The following CCBE1 variants were observed in gnomAD, a reference collection of about 807,000 sequenced individuals.
CCBE1 encodes collagen and calcium binding EGF domains 1, also known as collagen and calcium-binding EGF domain-containing protein 1.
CCBE1 carries 37 observed loss-of-function variants against 50.0 expected under a neutral mutation model. That is an observed-to-expected ratio of 0.74 (90% CI 0.57 to 0.97). The LOEUF is 0.97. CCBE1 is among the 50% of genes least tolerant of loss of function. The pLI is 0.00. For missense variants in CCBE1, 538 were observed against 523.8 expected (o/e 1.03, Z -0.26); for synonymous variants, 234 against 203.7 (o/e 1.15, Z -1.27).
At chr18:59,621,701 G>A (rs974147678) in intron 2 of CCBE1, among the ~76,000 whole-genome samples, 1 of 152,154 alleles carries the variant, frequency 6.6e-6, no homozygotes, top group Non-Finnish European at 1.5e-5. Flanking sequence ...ATATCTCTCC[G>A]ACTCTGAAGC....
At chr18:59,618,963 ACTG>A (rs1030305107) in intron 2 of CCBE1, among the ~76,000 whole-genome samples, 3 of 152,098 alleles carry the variant, frequency 2.0e-5, no homozygotes, top group East Asian at 1.9e-4. Context: ...TTATATTAGG[ACTG>A]CTAACTGTTC....
chr18:59,581,390 G>A (rs890510644), intron 2 of CCBE1, among the ~76,000 whole-genome samples: 3 of 149,854 alleles, frequency 2.0e-5, no homozygotes, highest in Non-Finnish European at 4.4e-5. Context: ...TCAGTGAGCC[G>A]AGATCACGCC....
At position 59,454,782 on chromosome 18, in the gene CCBE1, C is replaced by T. The variant is rs1911102155; in HGVS notation, c.654+69G>A. On this transcript the variant is annotated intron_variant, in intron 6 of 10. Transcript: ENST00000439986. The stretch of plus-strand genomic sequence containing the variant: ...TGGATATTTTCTTATTTGTAAATAT[C>T]CTTCCACCTGGCCTTGGCCAAGCCC... 4.8e-6 allele frequency: 6 copies of T among 1,237,118 alleles called. No individual in the cohort carries two copies. The East Asian group carries it at 1.2e-4, about 24-fold the overall frequency. The allele number at this position is 1,237,118 out of a possible 1,614,324, so 76.6% of individuals were successfully genotyped here.
chr18:59,611,849 C>T (rs377654569), intron 2 of CCBE1, among the ~76,000 whole-genome samples: 7 of 152,182 alleles, frequency 4.6e-5, no homozygotes, highest in East Asian at 3.9e-4. Context: ...CTGAGACTTA[C>T]GCATCAAGTT....
intron 2 of CCBE1, among the ~76,000 whole-genome samples, chr18:59,573,656 A>T (rs568716140): frequency 9.8e-4 from 124 of 126,606 alleles, no homozygotes; most frequent in African/African-American, 5.4e-3. Flanking sequence ...AAGTGCAGAG[A>T]AAAAAAAAAA....
rs760125629 is a variant in CCBE1 at position 59,439,831 on chromosome 18, C to A, written c.776-15G>T. On this transcript the variant is annotated splice_polypyrimidine_tract_variant and intron_variant, in intron 7 of 10. Transcript: ENST00000439986. ...TCCTGGTGAGCCTGTAATCAAAGAACACCTCATTAGCTCACAGCACATGAG... is the reference window on the plus strand; with the variant it reads ...TCCTGGTGAGCCTGTAATCAAAGAAAACCTCATTAGCTCACAGCACATGAG... 4 of 1,612,940 alleles carry A rather than the reference C, an allele frequency of 2.5e-6. No individual in the cohort carries two copies. The highest frequency in any genetic ancestry group is 3.4e-6 in the Non-Finnish European group (4 of 1,179,918).
intron 2 of CCBE1, among the ~76,000 whole-genome samples, chr18:59,544,622 A>C (rs1407951656): frequency 6.6e-6 from 1 of 152,174 alleles, no homozygotes; most frequent in African/African-American, 2.4e-5. Flanking sequence ...GCTTCACAGC[A>C]CAAAATGAAA....
At chr18:59,491,543 G>C (rs1454913098) in intron 2 of CCBE1, among the ~76,000 whole-genome samples, 4 of 152,186 alleles carry the variant, frequency 2.6e-5, no homozygotes, top group Non-Finnish European at 5.9e-5. Context: ...GCCAGCCGTG[G>C]TGACTTATGC....
intron 2 of CCBE1, among the ~76,000 whole-genome samples, chr18:59,612,931 G>A (rs2053592613): frequency 6.6e-6 from 1 of 150,512 alleles, no homozygotes; most frequent in South Asian, 2.1e-4. Context: ...TGCTTGGGAA[G>A]GCAAGACTCA....
At chr18:59,598,739 T>C (rs2053389923) in intron 2 of CCBE1, among the ~76,000 whole-genome samples, 1 of 152,176 alleles carries the variant, frequency 6.6e-6, no homozygotes, top group Non-Finnish European at 1.5e-5. Context: ...CTGACCCAAG[T>C]GAGCAGTTCT....
chr18:59,443,276 G>A (rs547608239), intron 7 of CCBE1, among the ~76,000 whole-genome samples: 7 of 152,224 alleles, frequency 4.6e-5, no homozygotes, highest in African/African-American at 1.4e-4. Flanking sequence ...TGCCCACACC[G>A]GGGACTCTAG....
chr18:59,506,755 T>G (rs577867547), intron 2 of CCBE1, among the ~76,000 whole-genome samples: 1 of 152,292 alleles, frequency 6.6e-6, no homozygotes, highest in African/African-American at 2.4e-5. Context: ...GAGGAGCAGA[T>G]AGAAGAGTGG....
chr18:59,445,526 TCAGACTCCAG>T (rs1400868691), intron 7 of CCBE1, among the ~76,000 whole-genome samples: 1 of 152,238 alleles, frequency 6.6e-6, no homozygotes, highest in Non-Finnish European at 1.5e-5. Context: ...GGAATGACAG[TCAGACTCCAG>T]CAAATAAAAC....
intron 7 of CCBE1, among the ~76,000 whole-genome samples, chr18:59,441,223 A>G (rs541816153): frequency 4.8e-4 from 73 of 152,334 alleles, no homozygotes; most frequent in African/African-American, 1.7e-3. Context: ...ACATGGAAAG[A>G]AAAGGGCTGG....
intron 2 of CCBE1, among the ~76,000 whole-genome samples, chr18:59,552,368 T>A (rs1485231852): frequency 6.6e-6 from 1 of 152,220 alleles, no homozygotes; most frequent in Non-Finnish European, 1.5e-5. Context: ...GTAGAGTGTT[T>A]CGTCAGAGGG....
intron 6 of CCBE1, 120 bp downstream of exon 6, chr18:59,454,731 G>T: frequency 1.2e-6 from 1 of 868,196 alleles, no homozygotes; most frequent in Non-Finnish European, 1.9e-6. Context: ...AAACCTCACT[G>T]GCATCAACTG....
At chr18:59,604,498 A>C (rs2053471139) in intron 2 of CCBE1, among the ~76,000 whole-genome samples, 1 of 152,204 alleles carries the variant, frequency 6.6e-6, no homozygotes, top group African/African-American at 2.4e-5. Context: ...TACTGATCAG[A>C]TATAATAAAG....
At chr18:59,617,312 G>GCAAATT (rs2053649884) in intron 2 of CCBE1, among the ~76,000 whole-genome samples, 1 of 152,188 alleles carries the variant, frequency 6.6e-6, no homozygotes, top group South Asian at 2.1e-4. Context: ...GATAACAAAT[G>GCAAATT]CAAATTCGAA....
chr18:59,573,031 C>T lies in CCBE1; in HGVS notation c.213-92793G>A, dbSNP rs538164653. 3.9e-5 allele frequency among the ~76,000 whole-genome samples: 6 copies of T among 151,960 alleles called. No homozygotes were observed. The East Asian group carries it at 1.2e-3, about 29-fold the overall frequency. On this transcript the variant is annotated intron_variant, in intron 2 of 10. Coordinates refer to ENST00000439986, the MANE Select transcript of CCBE1 (RefSeq NM_133459.4). ...GGGCACAGTGGCTCACACCTGTAAT[C>T]CCTGCACTTTGGGATATCAAGGAGG...
Sources: gnomAD v4.1 joint callset for allele counts (sites outside exome capture counted in the v4.1 genomes callset) on GRCh38, gnomAD v4.1.1 for gene constraint, MANE v1.5 for transcripts, NCBI Gene and HGNC (gene_info 2026-07-23, HGNC 2026-07-21) for gene names.